SETBP1: variants seen among roughly 807,000 people sequenced by gnomAD.
The protein encoded by SETBP1 is SET-binding protein.
In SETBP1, 9 loss-of-function variants were observed where a neutral mutation model predicts 101.0. The ratio of observed to expected loss-of-function variants is 0.09; its 90% CI spans 0.05 to 0.16. SETBP1 has a LOEUF of 0.16. Among genes scored for constraint, SETBP1 ranks in the 10% least tolerant of loss-of-function variants. The probability of loss-of-function intolerance (pLI) is 1.00; values close to 1 mark genes in which losing one functional copy is unlikely to be tolerated. For synonymous variants in SETBP1, 818 were observed against 788.5 expected, an observed-to-expected ratio of 1.04 and a Z score of -0.63; for missense variants, 1,858 against 2,033.8, an observed-to-expected ratio of 0.91 and a Z score of 1.66.
intron 2 of SETBP1, among the ~76,000 whole-genome samples, chr18:44,742,073 C>T (rs1409847100): frequency 6.6e-6 from 1 of 152,232 alleles, no homozygotes; most frequent in Non-Finnish European, 1.5e-5. Flanking sequence ...CCCTGGTGGT[C>T]TTGCTCAAGT....
intron 3 of SETBP1, among the ~76,000 whole-genome samples, chr18:44,889,883 G>A (rs9807721): frequency 0.32 from 49,152 of 151,834 alleles, 8,083 homozygotes; most frequent in South Asian, 0.4. Context: ...CCCTTTTATT[G>A]GATAGTATAT....
intron 2 of SETBP1, among the ~76,000 whole-genome samples, chr18:44,741,863 A>C (rs2070106242): frequency 6.6e-6 from 1 of 152,174 alleles, no homozygotes; most frequent in Non-Finnish European, 1.5e-5. Flanking sequence ...CTCAGTGCTC[A>C]GCCGAGAGAG....
rs530817258 is a variant in SETBP1, at chr18:44,904,498, T to C, written c.540+35215T>C. On this transcript the variant is annotated intron_variant, in intron 3 of 5. Coordinates refer to ENST00000649279, the MANE Select transcript of SETBP1 (RefSeq NM_015559.3). ...ATGTCAATAAAGTTGGTATTACCAA[T>C]AAGAAAAAAAGAAACCTCCCAAAAT... Among the ~76,000 whole-genome samples, 33 of 152,202 alleles carry C rather than the reference T, an allele frequency of 2.2e-4. 1 individual carries two copies. The South Asian group carries it at 2.5e-3, about 11-fold the overall frequency.
At chr18:44,878,232 G>A (rs967300030) in intron 3 of SETBP1, among the ~76,000 whole-genome samples, 9 of 152,194 alleles carry the variant, frequency 5.9e-5, no homozygotes, top group African/African-American at 1.9e-4. Flanking sequence ...CCTTAGCAAC[G>A]AGGGAGTAGG....
chr18:44,981,595 G>T (rs2145236967), intron 4 of SETBP1, among the ~76,000 whole-genome samples: 1 of 152,334 alleles, frequency 6.6e-6, no homozygotes, highest in South Asian at 2.1e-4. Flanking sequence ...CTTTGCAAGA[G>T]AAGAGCATCC....
intron 2 of SETBP1, among the ~76,000 whole-genome samples, chr18:44,732,333 G>A (rs1017646416): frequency 2.0e-5 from 3 of 152,128 alleles, no homozygotes; most frequent in South Asian, 2.1e-4. Context: ...GACTGCAGAC[G>A]CCCTAAACCC....
At chr18:44,838,423 C>G (rs780003005) in intron 2 of SETBP1, among the ~76,000 whole-genome samples, 1 of 152,168 alleles carries the variant, frequency 6.6e-6, no homozygotes, top group Non-Finnish European at 1.5e-5. Context: ...TTAGCCCTTA[C>G]TGTAATTCAT....
In SETBP1 at chr18:44,695,631, G is replaced by A. The variant is rs1456851312; in HGVS notation, c.-172-5544G>A. 3.3e-5 allele frequency among the ~76,000 whole-genome samples: 5 copies of A among 152,298 alleles called. No individual in the cohort carries two copies. In the East Asian group the frequency reaches 7.7e-4, roughly 23 times the overall value. ...ATGGGAATTTGCAGAGTCCAGAGCC[G>A]AGGGAGGACTGAGGATGAAGAGCTT... On this transcript the variant is annotated intron_variant, in intron 1 of 5. Coordinates refer to ENST00000649279, the MANE Select transcript of SETBP1 (RefSeq NM_015559.3).
At chr18:44,981,668 C>T (rs2072116053) in intron 4 of SETBP1, among the ~76,000 whole-genome samples, 2 of 152,176 alleles carry the variant, frequency 1.3e-5, no homozygotes, top group African/African-American at 4.8e-5. Context: ...CCACATTTAC[C>T]TTTTACATCA....
intron 3 of SETBP1, among the ~76,000 whole-genome samples, chr18:44,940,799 T>C (rs964941810): frequency 6.6e-6 from 1 of 152,212 alleles, no homozygotes; most frequent in African/African-American, 2.4e-5. Context: ...ATATATTTAC[T>C]ATTTTCAGCA....
intron 4 of SETBP1, among the ~76,000 whole-genome samples, chr18:44,983,280 G>A (rs1374351506): frequency 1.3e-5 from 2 of 152,146 alleles, no homozygotes; most frequent in African/African-American, 2.4e-5. Context: ...TCCTTCAGAT[G>A]CATTTTCTGT....
At chr18:44,779,440 G>A (rs965604447) in intron 2 of SETBP1, among the ~76,000 whole-genome samples, 1 of 152,230 alleles carries the variant, frequency 6.6e-6, no homozygotes, top group Non-Finnish European at 1.5e-5. Context: ...CAGTACAGAT[G>A]TCAACATATA....
At chr18:44,789,885 T>G (rs755321376) in intron 2 of SETBP1, among the ~76,000 whole-genome samples, 1 of 152,212 alleles carries the variant, frequency 6.6e-6, no homozygotes, top group African/African-American at 2.4e-5. Context: ...TGATTCCTCC[T>G]GATAAGGCCT....
At chr18:44,937,195 G>A (rs1232215469) in intron 3 of SETBP1, among the ~76,000 whole-genome samples, 1 of 152,058 alleles carries the variant, frequency 6.6e-6, no homozygotes, top group Non-Finnish European at 1.5e-5. Context: ...GCTCACGCCT[G>A]TAATCCCAGC....
intron 1 of SETBP1, among the ~76,000 whole-genome samples, chr18:44,693,031 T>C (rs553588294): frequency 6.6e-6 from 1 of 152,316 alleles, no homozygotes; most frequent in South Asian, 2.1e-4. Context: ...AGGTGATGTA[T>C]CTTCAGGGTC....
At chr18:45,003,499 G>T (rs2072659761) in intron 4 of SETBP1, among the ~76,000 whole-genome samples, 1 of 152,156 alleles carries the variant, frequency 6.6e-6, no homozygotes. Context: ...ACACCATCAT[G>T]AACCAGCTAC....
intron 2 of SETBP1, among the ~76,000 whole-genome samples, chr18:44,729,422 A>G (rs1446667468): frequency 1.3e-5 from 2 of 152,220 alleles, no homozygotes; most frequent in Admixed American, 6.5e-5. Context: ...GAATTGATAT[A>G]AAAGGCATTA....
At chr18:44,817,213 C>G (rs749608235) in intron 2 of SETBP1, among the ~76,000 whole-genome samples, 22 of 152,178 alleles carry the variant, frequency 1.4e-4, no homozygotes, top group Admixed American at 6.5e-5. Flanking sequence ...AAGAGCGTTA[C>G]TTTTGAAAGC....
chr18:44,719,290 C>T (rs74785523), intron 2 of SETBP1, among the ~76,000 whole-genome samples: 3 of 152,088 alleles, frequency 2.0e-5, no homozygotes, highest in African/African-American at 7.2e-5. Flanking sequence ...GTGGAGGCCA[C>T]GCGAGAGCTG....
Sources: allele counts gnomAD v4.1 joint callset (sites outside exome capture counted in the v4.1 genomes callset), GRCh38; gene constraint gnomAD v4.1.1; transcripts MANE v1.5; gene names NCBI Gene and HGNC (gene_info 2026-07-23, HGNC 2026-07-21).